RET: variants seen among roughly 807,000 people sequenced by gnomAD.
The protein encoded by RET is ret proto-oncogene.
A neutral mutation model predicts 118.3 loss-of-function variants in RET; 19 were observed. That is an observed-to-expected ratio of 0.16 (90% CI 0.11 to 0.24). RET has a LOEUF of 0.24. Ranked by LOEUF, RET falls within the 10% of genes least tolerant of loss-of-function variation. RET has a pLI of 1.00. For synonymous variants in RET, 597 were observed against 644.1 expected, an observed-to-expected ratio of 0.93 and a Z score of 1.11; for missense variants, 1,219 against 1,502.1, an observed-to-expected ratio of 0.81 and a Z score of 3.12.
intron 6 of RET, among the ~76,000 whole-genome samples, chr10:43,110,607 C>CA (rs1295243419): frequency 6.6e-6 from 1 of 152,152 alleles, no homozygotes; most frequent in African/African-American, 2.4e-5. Flanking sequence ...CTGGCATCCC[C>CA]AGGAGAAGAG....
At position 43,126,738 on chromosome 10, in the gene RET, C is replaced by T. The variant is rs1245289137; in HGVS notation, c.3187+16C>T. ...AAACTCTATGGTAGAATTTCCCATGCATTTACTAGATTCTAGCACCGCTGT... is the reference window on the plus strand; with the variant it reads ...AAACTCTATGGTAGAATTTCCCATGTATTTACTAGATTCTAGCACCGCTGT... On this transcript the variant is annotated intron_variant, in intron 19 of 19. Transcript: ENST00000355710. 3.7e-6 allele frequency: 6 copies of T among 1,613,638 alleles called. No individual in the cohort carries two copies. In the East Asian group the frequency reaches 6.7e-5, roughly 18 times the overall value.
At chr10:43,090,135 G>T (rs1023206865) in intron 1 of RET, among the ~76,000 whole-genome samples, 2 of 152,214 alleles carry the variant, frequency 1.3e-5, no homozygotes, top group Non-Finnish European at 2.9e-5. Flanking sequence ...GCCCAGGCCT[G>T]GCAAATGGCT....
At chr10:43,083,442 A>G (rs530631871) in intron 1 of RET, among the ~76,000 whole-genome samples, 33 of 152,238 alleles carry the variant, frequency 2.2e-4, no homozygotes, top group African/African-American at 7.9e-4. Flanking sequence ...GCCCTTACCC[A>G]CTGGGTGGCC....
At chr10:43,121,433 T>G (rs1463043077) in intron 15 of RET, among the ~76,000 whole-genome samples, 1 of 152,110 alleles carries the variant, frequency 6.6e-6, no homozygotes, top group Non-Finnish European at 1.5e-5. Context: ...TGTAGGGGGC[T>G]GGGGGCACTC....
chr10:43,114,212 C>T lies in RET; in HGVS notation c.1880-268C>T, dbSNP rs1048627045. 4.6e-4 allele frequency among the ~76,000 whole-genome samples: 70 copies of T among 152,214 alleles called. No homozygotes were observed. Among genetic ancestry groups the T allele is most frequent in the Admixed American group, 3.9e-3 (60 of 15,286 alleles). On this transcript the variant is annotated intron_variant, in intron 10 of 19. Coordinates refer to ENST00000355710, the MANE Select transcript of RET (RefSeq NM_020975.6). The surrounding 1 kb of genome is among the most constrained non-coding windows in gnomAD (Gnocchi z 4.6). ...GTGCCAGCTGGTGTAATGAGCACAG[C>T]CTCTGCTGTGTGACCTTGGCAGGCT... is the stretch of plus-strand genomic sequence containing the variant.
intron 1 of RET, among the ~76,000 whole-genome samples, chr10:43,087,223 A>G (rs1303183999): frequency 2.6e-5 from 4 of 152,266 alleles, no homozygotes; most frequent in Non-Finnish European, 1.5e-5. Context: ...GCCGGGCCCC[A>G]TCTCTCCTCC....
At chr10:43,117,415 G>A (rs1838098368) in intron 12 of RET, among the ~76,000 whole-genome samples, 1 of 152,248 alleles carries the variant, frequency 6.6e-6, no homozygotes, top group Admixed American at 6.5e-5. Flanking sequence ...GGAGACCCTT[G>A]GATTTCCATT....
At chr10:43,124,132 G>A (rs1056237159) in intron 17 of RET, among the ~76,000 whole-genome samples, 4 of 152,284 alleles carry the variant, frequency 2.6e-5, no homozygotes, top group East Asian at 3.9e-4. Flanking sequence ...CAGGGGGCAC[G>A]TGTTAAGGGG....
At position 43,114,409 on chromosome 10, in the gene RET, G is replaced by C; in HGVS notation, c.1880-71G>C. 1 of 1,591,008 alleles carries C rather than the reference G, an allele frequency of 6.3e-7. No individual in the cohort carries two copies. The highest frequency in any genetic ancestry group is 1.3e-5 in the African/African-American group (1 of 74,836). On this transcript the variant is annotated intron_variant, in intron 10 of 19. Transcript: ENST00000355710. The surrounding 1 kb of genome is among the most constrained non-coding windows in gnomAD (Gnocchi z 4.6). ...GCAGGCTGGAGAGCCATGAGGCAGA[G>C]CATACGCAGCCTGTACCCAGTGGTG...
At position 43,120,191 on chromosome 10, in the gene RET, G is replaced by A. The variant is rs1369983912; in HGVS notation, c.2718G>A (p.Val906=). 3 of 1,612,868 alleles carry A rather than the reference G, an allele frequency of 1.9e-6. No individual in the cohort carries two copies. The change falls in exon 15 of 20, where the codon GTG becomes GTA. Residue 906 remains valine (V), a synonymous_variant. Transcript: ENST00000355710. ...ATGTTTATGAAGAGGATTCCTACGT[G>A]AAGAGGAGCCAGGTGCCCAGTCCCG... is the stretch of plus-strand genomic sequence containing the variant. The part of the protein sequence containing the change: ...SRDVYEEDSY[V]KRSQGRIPVK...
At chr10:43,115,596 A>G (rs1838054122) in intron 11 of RET, among the ~76,000 whole-genome samples, 1 of 152,212 alleles carries the variant, frequency 6.6e-6, no homozygotes. Flanking sequence ...AGAGTCCTTC[A>G]TAAACCCAGT....
In RET at chr10:43,129,674, G is replaced by C. The variant is rs987712066; in HGVS notation, c.*1405G>C. 1.6e-5 allele frequency: 5 copies of C among 308,404 alleles called. No homozygotes were observed. Among genetic ancestry groups the C allele is most frequent in the African/African-American group, 1.1e-4 (5 of 47,212 alleles). The allele number at this position is 308,404 out of a possible 1,614,324, so 19.1% of individuals were successfully genotyped here. On this transcript the variant is annotated 3_prime_UTR_variant, in exon 20 of 20. Transcript: ENST00000355710. The stretch of plus-strand genomic sequence containing the variant: ...TAAAGCACTGATAGGACTTAAAATA[G>C]TCTCATTCAAATACTGTATTTTATA...
chr10:43,095,453 G>C (rs2435346), intron 1 of RET, among the ~76,000 whole-genome samples: 3 of 152,064 alleles, frequency 2.0e-5, no homozygotes, highest in Non-Finnish European at 4.4e-5. Context: ...CTCCAGGCCC[G>C]CCTGGGCATG....
In RET at chr10:43,106,626, C is replaced by T; in HGVS notation, c.1063+55C>T. The T allele has an allele frequency of 6.4e-7, 1 of 1,569,636 alleles. No homozygotes were observed. The highest frequency in any genetic ancestry group is 1.4e-5 in the African/African-American group (1 of 73,938). Reference sequence around the variant, plus strand: ...AGGCCCCCAGGAAATGAGGTGCTCGCTCTTCATGGGCAAGCAGCACCCTAC... The same window carrying T: ...AGGCCCCCAGGAAATGAGGTGCTCGTTCTTCATGGGCAAGCAGCACCCTAC... On this transcript the variant is annotated intron_variant, in intron 5 of 19. Transcript: ENST00000355710. The surrounding 1 kb of genome is among the most constrained non-coding windows in gnomAD (Gnocchi z 5.1).
rs1356141763 is a variant in RET, at chr10:43,116,609, G to A, written c.2162G>A (p.Arg721Gln). 3.7e-6 allele frequency: 6 copies of A among 1,614,014 alleles called. No homozygotes were observed. The highest frequency in any genetic ancestry group is 2.7e-5 in the African/African-American group (2 of 74,912). The change falls in exon 12 of 20, where the codon CGG becomes CAG. Residue 721 changes from arginine (R) to glutamine (Q), a missense_variant. This residue lies in a region of RET where 850 missense variants were observed against 969.6 expected (regional missense o/e 0.88). Transcript: ENST00000355710. The part of the protein sequence containing the change: ...ILEDPKWEFP[R>Q]KNLVLGKTLG... The stretch of plus-strand genomic sequence containing the variant: ...GAGGATCCAAAGTGGGAATTCCCTC[G>A]GAAGAACTTGGTTCTTGGAAAAACT...
At chr10:43,123,880 T>C in intron 17 of RET, 72 bp downstream of exon 17, 1 of 1,604,916 alleles carries the variant, frequency 6.2e-7, no homozygotes, top group Non-Finnish European at 8.5e-7. Context: ...TCCCTCCCCA[T>C]CCAGAGCAGC....
Position 43,104,907 on chromosome 10 carries a change from T to C in RET, c.626-45T>C, listed in dbSNP as rs763166382. 8.7e-5 allele frequency: 134 copies of C among 1,540,286 alleles called. No individual in the cohort carries two copies. In the Admixed American group the frequency reaches 1.6e-3, roughly 18 times the overall value. ...TTCCCGAGGAAAGCGGCTGGCCCGGTCCCGGCTGGTGATCACGCGGGGCCC... is the reference window on the plus strand; with the variant it reads ...TTCCCGAGGAAAGCGGCTGGCCCGGCCCCGGCTGGTGATCACGCGGGGCCC... On this transcript the variant is annotated intron_variant, in intron 3 of 19. Coordinates refer to ENST00000355710, the MANE Select transcript of RET (RefSeq NM_020975.6).
chr10:43,079,797 C>T (rs1235437487), intron 1 of RET, among the ~76,000 whole-genome samples: 1 of 152,190 alleles, frequency 6.6e-6, no homozygotes, highest in African/African-American at 2.4e-5. Context: ...GGCAGCCCAC[C>T]CCTGCCTGAA....
chr10:43,123,598 G>A (rs935547461), intron 16 of RET, 73 bp from the exon 17 acceptor site: 2 of 1,598,700 alleles, frequency 1.3e-6, no homozygotes, highest in Admixed American at 1.7e-5. Context: ...TGGTGGGGGT[G>A]GATATCTGGG....
Sources: allele counts gnomAD v4.1 joint callset (sites outside exome capture counted in the v4.1 genomes callset), GRCh38; gene constraint gnomAD v4.1.1; regional missense constraint gnomAD v4.1.1; non-coding constraint Gnocchi (gnomAD v3.1); transcripts MANE v1.5; gene names NCBI Gene and HGNC (gene_info 2026-07-23, HGNC 2026-07-21).